Variants in LOC128092252 observed in about 807,000 individuals in gnomAD.
the LOC128092252 span, among the ~76,000 whole-genome samples, chr15:50,682,576 CAAA>C: frequency 9.7e-6 from 1 of 103,158 alleles, no homozygotes; most frequent in Admixed American, 1.1e-4. Context: ...AACTCCATCT[CAAA>C]AAAAAAAAAA....
At chr15:50,667,984 CAGT>C in the LOC128092252 span, among the ~76,000 whole-genome samples, 52 of 152,274 alleles carry the variant, frequency 3.4e-4, no homozygotes, top group African/African-American at 1.2e-3. Context: ...ACCTTATCAG[CAGT>C]AATTATGATT....
the LOC128092252 span, among the ~76,000 whole-genome samples, chr15:50,651,388 G>A: frequency 6.6e-6 from 1 of 152,194 alleles, no homozygotes; most frequent in African/African-American, 2.4e-5. Flanking sequence ...GCTCACGCCT[G>A]TAATCCCAGC....
the LOC128092252 span, among the ~76,000 whole-genome samples, chr15:50,654,182 A>C: frequency 6.6e-5 from 10 of 152,116 alleles, no homozygotes; most frequent in Non-Finnish European, 1.5e-4. Context: ...GGGTGCAGTG[A>C]CTCACACCAT....
At chr15:50,658,697 G>A in the LOC128092252 span, among the ~76,000 whole-genome samples, 1 of 151,914 alleles carries the variant, frequency 6.6e-6, no homozygotes, top group Non-Finnish European at 1.5e-5. Flanking sequence ...AATAAAAAAC[G>A]TTGACTCTCA....
chr15:50,682,063 A>C, the LOC128092252 span, among the ~76,000 whole-genome samples: 1 of 151,516 alleles, frequency 6.6e-6, no homozygotes, highest in Non-Finnish European at 1.5e-5. Flanking sequence ...CTGTAATCCC[A>C]GCTACTCGAG....
At chr15:50,666,069 AAG>A in the LOC128092252 span, among the ~76,000 whole-genome samples, 1 of 152,320 alleles carries the variant, frequency 6.6e-6, no homozygotes, top group Non-Finnish European at 1.5e-5. Context: ...TGAAAGAATA[AAG>A]TCAAAGGAAA....
the LOC128092252 span, among the ~76,000 whole-genome samples, chr15:50,678,440 CT>C: frequency 1.3e-5 from 2 of 150,300 alleles, no homozygotes; most frequent in African/African-American, 4.9e-5. Context: ...CTGACTTCCC[CT>C]ATCAGAGTTC....
chr15:50,665,430 TA>T, the LOC128092252 span, among the ~76,000 whole-genome samples: 6 of 150,554 alleles, frequency 4.0e-5, no homozygotes, highest in Non-Finnish European at 7.4e-5. Context: ...TGCTTGACCA[TA>T]AAATAAGATT....
the LOC128092252 span, among the ~76,000 whole-genome samples, chr15:50,666,150 A>G: frequency 6.6e-6 from 1 of 152,144 alleles, no homozygotes; most frequent in Non-Finnish European, 1.5e-5. Context: ...CAAAAGTTAA[A>G]AGTTGGTTCT....
chr15:50,661,561 T>C, the LOC128092252 span, among the ~76,000 whole-genome samples: 1 of 147,264 alleles, frequency 6.8e-6, no homozygotes, highest in Non-Finnish European at 1.5e-5. Flanking sequence ...TTTAAAATGT[T>C]AAAATAAAGA....
the LOC128092252 span, chr15:50,663,128 C>A: frequency 9.2e-7 from 1 of 1,087,322 alleles, no homozygotes. Flanking sequence ...AACACATAAA[C>A]AGTTCTTTTT....
the LOC128092252 span, among the ~76,000 whole-genome samples, chr15:50,662,159 C>G: frequency 6.6e-6 from 1 of 152,106 alleles, no homozygotes; most frequent in Non-Finnish European, 1.5e-5. Flanking sequence ...TTGAACCATC[C>G]TGGCTAACAT....
chr15:50,655,442 AAAAAACAAAAAAAC>A, the LOC128092252 span, among the ~76,000 whole-genome samples: 3,724 of 150,640 alleles, frequency 0.025, 101 homozygotes, highest in Middle Eastern at 0.037. Flanking sequence ...CAAAGGAAAA[AAAAAACAAAAAAAC>A]AAAAAACCTT....
the LOC128092252 span, among the ~76,000 whole-genome samples, chr15:50,654,933 A>C: frequency 6.7e-6 from 1 of 148,194 alleles, no homozygotes; most frequent in African/African-American, 2.5e-5. Flanking sequence ...CCCAGGATGC[A>C]GAGCTTGCAG....
chr15:50,655,514 A>AT, the LOC128092252 span, among the ~76,000 whole-genome samples: 2 of 152,054 alleles, frequency 1.3e-5, no homozygotes, highest in African/African-American at 4.8e-5. Context: ...CGCAAGCAGA[A>AT]TAAGTACAAA....
the LOC128092252 span, among the ~76,000 whole-genome samples, chr15:50,667,074 T>G: frequency 6.6e-6 from 1 of 152,232 alleles, no homozygotes. Context: ...CATAAAGGGA[T>G]GATACTGAGG....
chr15:50,657,436 A>G, the LOC128092252 span, among the ~76,000 whole-genome samples: 15 of 152,112 alleles, frequency 9.9e-5, no homozygotes, highest in Non-Finnish European at 1.9e-4. Flanking sequence ...TGAAACTCTC[A>G]TTTTTCCAGG....
chr15:50,678,059 G>A, the LOC128092252 span, among the ~76,000 whole-genome samples: 3 of 150,800 alleles, frequency 2.0e-5, no homozygotes, highest in African/African-American at 7.3e-5. Flanking sequence ...CCGATATGGT[G>A]AAACCACGTC....
At chr15:50,654,446 C>CA in the LOC128092252 span, among the ~76,000 whole-genome samples, 1 of 149,458 alleles carries the variant, frequency 6.7e-6, no homozygotes, top group African/African-American at 2.5e-5. Context: ...GACACCATCT[C>CA]AAAAAAATAA....
Sources: allele counts gnomAD v4.1 joint callset (sites outside exome capture counted in the v4.1 genomes callset), GRCh38; gene constraint gnomAD v4.1.1; transcripts MANE v1.5.